Variants in ZNF469 observed in about 807,000 individuals in gnomAD.
The protein encoded by ZNF469 is zinc finger protein 469.
Under a neutral mutation model 1.0 loss-of-function variants are expected in ZNF469, and 1 was observed. The ratio of observed to expected loss-of-function variants is 1.00; its 90% CI spans 0.35 to 4.73. The LOEUF (loss-of-function observed/expected upper bound fraction) is 4.73. ZNF469 is among the 30% of genes most tolerant of loss of function. The pLI, the probability that ZNF469 is intolerant of heterozygous loss-of-function variation, is 0.16. For synonymous variants in ZNF469, 2,703 were observed against 2,363.4 expected (o/e 1.14, Z -4.17); for missense variants, 6,100 against 5,356.3 (o/e 1.14, Z -4.33).
the ZNF469 span, among the ~76,000 whole-genome samples, chr16:88,120,140 T>C: frequency 6.6e-6 from 1 of 152,200 alleles, no homozygotes; most frequent in East Asian, 1.9e-4. Context: ...GCATCGCCCC[T>C]GAGCCATTCT....
chr16:88,268,619 T>C, the ZNF469 span, among the ~76,000 whole-genome samples: 2,524 of 152,298 alleles, frequency 0.017, 84 homozygotes, highest in African/African-American at 0.058. Context: ...TGGTGCCTCA[T>C]ATCCCCGTGG....
chr16:88,422,705 G>A (rs1205961309), intron 1 of ZNF469, among the ~76,000 whole-genome samples: 1 of 146,038 alleles, frequency 6.8e-6, no homozygotes, highest in African/African-American at 2.6e-5. Flanking sequence ...GGTGATACAT[G>A]AGTGGGTGGA....
the ZNF469 span, among the ~76,000 whole-genome samples, chr16:88,309,240 C>T: frequency 3.4e-4 from 51 of 152,234 alleles, 1 homozygote; most frequent in Admixed American, 2.0e-3. Context: ...GAGTGGGCTC[C>T]GTGGTGGTGT....
At chr16:88,114,590 C>T in the ZNF469 span, among the ~76,000 whole-genome samples, 5 of 152,310 alleles carry the variant, frequency 3.3e-5, no homozygotes, top group South Asian at 6.2e-4. Context: ...CTGGGGTAGA[C>T]GGAGCCGTGG....
Position 88,433,864 on chromosome 16 carries a change from C to A in ZNF469, c.6394C>A (p.Arg2132Ser), listed in dbSNP as rs776675534. The A allele has an allele frequency of 3.9e-6, 6 of 1,549,178 alleles. No homozygotes were observed. The highest frequency in any genetic ancestry group is 5.2e-6 in the Non-Finnish European group (6 of 1,146,282). The change falls in exon 3 of 3, where the codon CGT (arginine) becomes AGT (serine). Residue 2132 changes from arginine (R) to serine (S), a missense_variant. By Grantham distance (110) the Arg-to-Ser change is moderately radical (BLOSUM62 -1). Transcript: ENST00000565624. ...HMPCSLGPLP[R>S]EDPLTSPSRA... is the part of the protein sequence containing the mutation. ...GCCCTGCAGCCTTGGGCCCCTGCCC[C>A]GTGAAGACCCACTTACCTCGCCTTC...
At chr16:88,376,389 AG>A in the ZNF469 span, among the ~76,000 whole-genome samples, 2 of 152,188 alleles carry the variant, frequency 1.3e-5, no homozygotes, top group African/African-American at 4.8e-5. Flanking sequence ...CCGGGGTGAG[AG>A]GGGGAGGGAA....
the ZNF469 span, among the ~76,000 whole-genome samples, chr16:88,293,101 G>T: frequency 1.3e-5 from 2 of 152,176 alleles, no homozygotes; most frequent in Non-Finnish European, 2.9e-5. Context: ...TGGATGGATG[G>T]ATGGGTGGAT....
chr16:88,143,852 G>A, the ZNF469 span, among the ~76,000 whole-genome samples: 79 of 152,286 alleles, frequency 5.2e-4, no homozygotes, highest in Non-Finnish European at 1.3e-4. Context: ...TCACTTGTCT[G>A]CCTGGCTGGC....
At chr16:88,350,785 A>C in the ZNF469 span, among the ~76,000 whole-genome samples, 1 of 152,212 alleles carries the variant, frequency 6.6e-6, no homozygotes, top group Admixed American at 6.5e-5. Flanking sequence ...GCGGGCTCTG[A>C]AGGCAGAGGA....
At chr16:88,277,017 G>A in the ZNF469 span, among the ~76,000 whole-genome samples, 15 of 151,102 alleles carry the variant, frequency 9.9e-5, no homozygotes, top group African/African-American at 2.7e-4. Flanking sequence ...GCTGTGCCAC[G>A]CTGACGCTTG....
the ZNF469 span, among the ~76,000 whole-genome samples, chr16:88,296,046 A>G: frequency 6.6e-6 from 1 of 152,136 alleles, no homozygotes; most frequent in African/African-American, 2.4e-5. Context: ...TCTGCAGAGG[A>G]TATTGCCCCT....
the ZNF469 span, among the ~76,000 whole-genome samples, chr16:88,163,440 G>A: frequency 6.6e-6 from 1 of 151,744 alleles, no homozygotes; most frequent in African/African-American, 2.4e-5. Context: ...GTGTGGATGG[G>A]TAGATGGAGT....
chr16:88,345,806 G>A, the ZNF469 span, among the ~76,000 whole-genome samples: 2 of 152,164 alleles, frequency 1.3e-5, no homozygotes, highest in Non-Finnish European at 2.9e-5. Context: ...TTTCATAGGG[G>A]AGAATGCTTG....
At chr16:88,248,780 T>A in the ZNF469 span, among the ~76,000 whole-genome samples, 1 of 152,180 alleles carries the variant, frequency 6.6e-6, no homozygotes, top group Non-Finnish European at 1.5e-5. Context: ...GCCACTCATT[T>A]CAACAGGTCA....
At chr16:88,281,251 C>G in the ZNF469 span, among the ~76,000 whole-genome samples, 4 of 131,966 alleles carry the variant, frequency 3.0e-5, 1 homozygote, top group African/African-American at 1.1e-4. Flanking sequence ...CACACCGATT[C>G]TTGGTCAGTA....
chr16:88,366,717 C>T, the ZNF469 span, among the ~76,000 whole-genome samples: 4 of 151,700 alleles, frequency 2.6e-5, no homozygotes, highest in African/African-American at 9.7e-5. Flanking sequence ...CCATCATCAT[C>T]ACCATCATCA....
the ZNF469 span, among the ~76,000 whole-genome samples, chr16:88,287,000 G>A: frequency 2.0e-5 from 3 of 152,138 alleles, no homozygotes; most frequent in Non-Finnish European, 2.9e-5. Flanking sequence ...CCTAAGTCCC[G>A]TTTTTCTTAT....
chr16:88,330,492 C>T, the ZNF469 span, among the ~76,000 whole-genome samples: 1 of 152,220 alleles, frequency 6.6e-6, no homozygotes, highest in African/African-American at 2.4e-5. Flanking sequence ...GGTTCTCATG[C>T]GTGAGCAACA....
In ZNF469 at chr16:88,432,432, T is replaced by C; in HGVS notation, c.4962T>C (p.Pro1654=). ...CCGTGGAAGCGGTTCAGGGGAGGCC[T>C]GGGGGGACGTGGCCCTGCCCAGCCT... The part of the protein sequence containing the change: ...VATVEAVQGR[P]GGTWPCPASF... Residue 1654 remains proline, a synonymous_variant, in exon 3 of 3, where the codon CCT becomes CCC. Coordinates refer to ENST00000565624, the MANE Select transcript of ZNF469 (RefSeq NM_001367624.2). The C allele has an allele frequency of 3.9e-6, 6 of 1,550,146 alleles. No homozygotes were observed. Among genetic ancestry groups the C allele is most frequent in the Non-Finnish European group, 4.4e-6 (5 of 1,146,946 alleles).
Sources: allele counts gnomAD v4.1 joint callset (sites outside exome capture counted in the v4.1 genomes callset), GRCh38; gene constraint gnomAD v4.1.1; transcripts MANE v1.5; gene names NCBI Gene and HGNC (gene_info 2026-07-23, HGNC 2026-07-21).